CCDC149: variants seen among roughly 807,000 people sequenced by gnomAD.
CCDC149 encodes the protein coiled-coil domain containing 149.
Under a neutral mutation model 59.9 loss-of-function variants are expected in CCDC149, and 45 were observed. The ratio of observed to expected loss-of-function variants is 0.75; its 90% CI spans 0.59 to 0.96. CCDC149 has a LOEUF of 0.96. Ranked by LOEUF, CCDC149 falls within the 40% of genes least tolerant of loss-of-function variation. The pLI is 0.00. For synonymous variants in CCDC149, 245 were observed against 260.6 expected (o/e 0.94, Z 0.58); for missense variants, 584 against 664.7 (o/e 0.88, Z 1.33).
chr4:24,808,974 G>T (rs1365632799), intron 12 of CCDC149, among the ~76,000 whole-genome samples, 155 bp from the exon 13 acceptor site: 1 of 152,170 alleles, frequency 6.6e-6, no homozygotes, highest in African/African-American at 2.4e-5. Context: ...GGAGCCAAAG[G>T]GGAACACAGG....
At chr4:24,882,412 T>C (rs1287666070) in intron 1 of CCDC149, among the ~76,000 whole-genome samples, 1 of 152,214 alleles carries the variant, frequency 6.6e-6, no homozygotes, top group African/African-American at 2.4e-5. Context: ...CAGTCAAATA[T>C]TTTCTGGGTG....
intron 1 of CCDC149, among the ~76,000 whole-genome samples, chr4:24,896,380 G>A (rs781472636): frequency 2.0e-5 from 3 of 152,160 alleles, no homozygotes; most frequent in Non-Finnish European, 4.4e-5. Context: ...AAAGACGAAT[G>A]TAAAGAATTA....
At chr4:24,945,731 C>T (rs565301096) in intron 1 of CCDC149, among the ~76,000 whole-genome samples, 3 of 151,996 alleles carry the variant, frequency 2.0e-5, no homozygotes, top group South Asian at 2.1e-4. Context: ...AAGCGATTCT[C>T]CTGCCTCAGC....
In CCDC149 at chr4:24,836,286, C is replaced by A. The variant is rs185230804; in HGVS notation, c.735+150G>T. The A allele has an allele frequency of 2.3e-3, 1,452 of 627,516 alleles. 33 individuals are homozygous for A. The Admixed American group carries it at 0.036, about 16-fold the overall frequency. 38.9% of individuals were successfully genotyped at this position (627,516 alleles called of 1,614,324 possible). The stretch of plus-strand genomic sequence containing the variant: ...TTGTTGTTTGGGATTTTAATTTGTA[C>A]TGGTTACCCCAGTTAAAGCTCTTAT... On this transcript the variant is annotated intron_variant, in intron 7 of 12. Coordinates refer to ENST00000635206, the MANE Select transcript of CCDC149 (RefSeq NM_001330643.2).
chr4:24,912,310 G>C (rs1030401426), intron 1 of CCDC149, among the ~76,000 whole-genome samples: 3 of 152,096 alleles, frequency 2.0e-5, no homozygotes, highest in Non-Finnish European at 2.9e-5. Context: ...CGTGTTGATT[G>C]AATTGAGCAA....
chr4:24,878,954 C>T (rs1362504042), intron 1 of CCDC149, among the ~76,000 whole-genome samples: 1 of 152,200 alleles, frequency 6.6e-6, no homozygotes, highest in Middle Eastern at 3.2e-3. Flanking sequence ...AAAACGCCTC[C>T]CTTGCTTCTG....
chr4:24,972,287 TTTTTCTTTTCTTTTC>T lies in CCDC149; in HGVS notation c.-65+7767_-65+7781del, dbSNP rs200651666. Among the ~76,000 whole-genome samples the T allele has an allele frequency of 7.3e-4, 104 of 142,736 alleles. 1 individual carries two copies. Among genetic ancestry groups the T allele is most frequent in the South Asian group, 4.9e-3 (21 of 4,310 alleles). 93.6% of individuals were successfully genotyped at this position (142,736 alleles called of 152,430 possible). ...TGTGGTTGAGGACTAAATTCTGACCTTTTTCTTTTCTTTTCTTTTCTTTTCTTTTCTTTTCTTTTT... is the reference window on the plus strand; with the variant it reads ...TGTGGTTGAGGACTAAATTCTGACCTTTTTCTTTTCTTTTCTTTTCTTTTT... On this transcript the variant is annotated intron_variant, in intron 1 of 12. Transcript: ENST00000389609.
chr4:24,820,693 C>A (rs1282802139), intron 11 of CCDC149, among the ~76,000 whole-genome samples: 1 of 152,156 alleles, frequency 6.6e-6, no homozygotes, highest in Non-Finnish European at 1.5e-5. Flanking sequence ...AACATCATAA[C>A]ATGATTCTTC....
At chr4:24,874,525 C>T (rs560046187) in intron 2 of CCDC149, among the ~76,000 whole-genome samples, 4 of 151,898 alleles carry the variant, frequency 2.6e-5, no homozygotes, top group Non-Finnish European at 5.9e-5. Flanking sequence ...GAGGTTGCAG[C>T]GAGCAGAGAT....
chr4:24,878,056 G>A (rs534765670), intron 1 of CCDC149, among the ~76,000 whole-genome samples: 22 of 152,218 alleles, frequency 1.4e-4, no homozygotes, highest in African/African-American at 3.9e-4. Context: ...AAAGCAGAGC[G>A]AGAATCAGCA....
In CCDC149 at chr4:24,807,761, G is replaced by A. The variant is rs931313528; in HGVS notation, c.*628C>T. 1 of 152,258 alleles carries A rather than the reference G, an allele frequency of 6.6e-6. No individual in the cohort carries two copies. Among genetic ancestry groups the A allele is most frequent in the Non-Finnish European group, 1.5e-5 (1 of 68,112 alleles). The allele number at this position is 152,258 out of a possible 1,614,324, so 9.4% of individuals were successfully genotyped here. On this transcript the variant is annotated 3_prime_UTR_variant, in exon 13 of 13. Coordinates refer to ENST00000635206, the MANE Select transcript of CCDC149 (RefSeq NM_001330643.2). ...GCACACAGGCCTCAACCGGGGCTGT[G>A]GATTTCAACCCAGAAGCCCAAACTT...
intron 1 of CCDC149, among the ~76,000 whole-genome samples, chr4:24,979,305 G>C (rs1411294966): frequency 6.6e-6 from 1 of 152,200 alleles, no homozygotes; most frequent in Non-Finnish European, 1.5e-5. Context: ...AATGCCCTCA[G>C]ACAGAAAGAT....
At chr4:24,827,130 G>C (rs1001031962) in intron 9 of CCDC149, 1 of 152,226 alleles carries the variant, frequency 6.6e-6, no homozygotes, top group African/African-American at 2.4e-5. Flanking sequence ...AAAGGAGTCT[G>C]TGATGAGGAG....
chr4:24,876,326 CACACACACACACACAG>C (rs1249030652), intron 2 of CCDC149, among the ~76,000 whole-genome samples, 194 bp downstream of exon 2: 79 of 149,544 alleles, frequency 5.3e-4, no homozygotes, highest in African/African-American at 1.9e-3. Context: ...CACACACACA[CACACACACACACACAG>C]AGAGAGAGAG....
downstream of CCDC149, among the ~76,000 whole-genome samples, chr4:24,804,705 C>G (rs1714067896): frequency 6.6e-6 from 1 of 152,056 alleles, no homozygotes; most frequent in South Asian, 2.1e-4. Flanking sequence ...CATGCCATAT[C>G]GTGAACCGGG....
At chr4:24,836,323 TG>T in intron 7 of CCDC149, 112 bp downstream of exon 7, 1 of 744,474 alleles carries the variant, frequency 1.3e-6, no homozygotes, top group South Asian at 1.7e-5. Flanking sequence ...AGACTCTATC[TG>T]GGAGGGCAGG....
intron 1 of CCDC149, among the ~76,000 whole-genome samples, chr4:24,965,608 A>T (rs73804922): frequency 0.012 from 1,838 of 152,380 alleles, 37 homozygotes; most frequent in African/African-American, 0.042. Flanking sequence ...AACAGAACAT[A>T]TAAGAATTTG....
intron 1 of CCDC149, among the ~76,000 whole-genome samples, chr4:24,921,723 A>T (rs1185560976): frequency 6.6e-6 from 1 of 152,198 alleles, no homozygotes; most frequent in Non-Finnish European, 1.5e-5. Context: ...CTGGAATCCT[A>T]ATTACCCACG....
At chr4:24,819,836 T>C (rs1215941258) in intron 12 of CCDC149, 23 bp downstream of exon 12, 16 of 1,507,790 alleles carry the variant, frequency 1.1e-5, no homozygotes, top group Non-Finnish European at 1.4e-5. Context: ...CAGGTAAAGA[T>C]GGAGAAATCG....
Sources: gnomAD v4.1 joint callset for allele counts (sites outside exome capture counted in the v4.1 genomes callset) on GRCh38, gnomAD v4.1.1 for gene constraint, MANE v1.5 for transcripts, NCBI Gene and HGNC (gene_info 2026-07-23, HGNC 2026-07-21) for gene names.